The following KLF12 variants were observed in gnomAD, a reference collection of about 807,000 sequenced individuals.
KLF12 encodes the protein Krueppel-like factor 12.
Under a neutral mutation model 37.8 loss-of-function variants are expected in KLF12, and 9 were observed. The ratio of observed to expected loss-of-function variants is 0.24; its 90% CI spans 0.14 to 0.42. The LOEUF is 0.42. Among genes scored for constraint, KLF12 ranks in the 10% least tolerant of loss-of-function variants. KLF12 has a pLI of 1.00. For missense variants in KLF12, 411 were observed against 516.0 expected (o/e 0.80, Z 1.97); for synonymous variants, 208 against 202.1 (o/e 1.03, Z -0.25).
intron 1 of KLF12, among the ~76,000 whole-genome samples, chr13:73,996,881 G>C (rs1321511280): frequency 6.6e-6 from 1 of 152,114 alleles, no homozygotes; most frequent in Non-Finnish European, 1.5e-5. Flanking sequence ...ATTCCCACTA[G>C]GAGAAGACAT....
At chr13:74,242,495 C>T in the KLF12 span, among the ~76,000 whole-genome samples, 1 of 152,236 alleles carries the variant, frequency 6.6e-6, no homozygotes. Flanking sequence ...GGAAACTATT[C>T]CCATGATTCA....
upstream of KLF12, among the ~76,000 whole-genome samples, chr13:74,137,019 AGTGT>A (rs144633568): frequency 6.6e-6 from 1 of 152,098 alleles, no homozygotes; most frequent in Non-Finnish European, 1.5e-5. Context: ...TCACTAGAGG[AGTGT>A]GTGTGTGTAC....
At chr13:73,739,429 T>C (rs1466832187) in intron 6 of KLF12, among the ~76,000 whole-genome samples, 1 of 152,118 alleles carries the variant, frequency 6.6e-6, no homozygotes, top group Non-Finnish European at 1.5e-5. Flanking sequence ...TAAGGTATTG[T>C]TGTTTACCTC....
the KLF12 span, among the ~76,000 whole-genome samples, chr13:74,238,067 G>C: frequency 7.1e-6 from 1 of 140,630 alleles, no homozygotes; most frequent in Non-Finnish European, 1.5e-5. Context: ...TATGATATTG[G>C]CTGTGGGTTT....
intron 3 of KLF12, among the ~76,000 whole-genome samples, chr13:73,860,518 C>A (rs933246927): frequency 6.6e-6 from 1 of 151,982 alleles, no homozygotes; most frequent in Non-Finnish European, 1.5e-5. Flanking sequence ...AAGGGTTGCT[C>A]GAGCTCAGGA....
chr13:74,070,561 AAAC>A (rs1874172221), intron 1 of KLF12, among the ~76,000 whole-genome samples: 1 of 152,190 alleles, frequency 6.6e-6, no homozygotes, highest in Non-Finnish European at 1.5e-5. Flanking sequence ...CCACCATCCA[AAAC>A]AACTCACCTT....
chr13:74,219,732 C>T, the KLF12 span, among the ~76,000 whole-genome samples: 2 of 152,240 alleles, frequency 1.3e-5, no homozygotes, highest in African/African-American at 2.4e-5. Context: ...ATAGAATTCA[C>T]ATTAGCCCAT....
At chr13:74,303,454 T>C in the KLF12 span, among the ~76,000 whole-genome samples, 2 of 152,188 alleles carry the variant, frequency 1.3e-5, no homozygotes, top group African/African-American at 4.8e-5. Context: ...CATTCTTTCT[T>C]TCTAATAGTG....
the KLF12 span, among the ~76,000 whole-genome samples, chr13:74,270,800 C>A: frequency 5.9e-5 from 9 of 152,136 alleles, no homozygotes; most frequent in African/African-American, 2.2e-4. Context: ...GTGTCATGGA[C>A]TATGCACTTA....
chr13:74,029,542 G>A (rs76470212), intron 1 of KLF12, among the ~76,000 whole-genome samples: 14 of 151,948 alleles, frequency 9.2e-5, no homozygotes, highest in African/African-American at 1.9e-4. Context: ...AAATCTTTAC[G>A]GTTCTCTGTA....
At chr13:73,800,495 T>C (rs1594105766) in intron 5 of KLF12, 1 of 152,056 alleles carries the variant, frequency 6.6e-6, no homozygotes, top group Non-Finnish European at 1.5e-5. Flanking sequence ...TCTAAAATAT[T>C]AATACAGTAA....
chr13:74,068,238 C>T (rs867654749), intron 1 of KLF12, among the ~76,000 whole-genome samples: 10 of 152,012 alleles, frequency 6.6e-5, no homozygotes, highest in South Asian at 2.1e-4. Context: ...TCTATTTCTA[C>T]GAAAAATAAG....
the KLF12 span, among the ~76,000 whole-genome samples, chr13:74,207,736 T>A: frequency 6.6e-6 from 1 of 152,068 alleles, no homozygotes; most frequent in Admixed American, 6.6e-5. Context: ...AGAAAGAGGA[T>A]TCCATTCATC....
chr13:73,975,796 C>T (rs967755182), intron 2 of KLF12, among the ~76,000 whole-genome samples: 3 of 152,248 alleles, frequency 2.0e-5, no homozygotes, highest in African/African-American at 7.2e-5. Flanking sequence ...CACTCCTAAC[C>T]CTCCTTTGGC....
the KLF12 span, among the ~76,000 whole-genome samples, chr13:74,163,163 A>G: frequency 1.3e-5 from 2 of 152,204 alleles, no homozygotes; most frequent in African/African-American, 4.8e-5. Flanking sequence ...TACTATGGAG[A>G]GCAGTTTGGA....
At chr13:74,241,298 C>T in the KLF12 span, among the ~76,000 whole-genome samples, 1 of 152,176 alleles carries the variant, frequency 6.6e-6, no homozygotes. Flanking sequence ...GCAGTCTGCC[C>T]ATTCTCAGAT....
chr13:73,814,942 A>T (rs1331749860), intron 4 of KLF12, among the ~76,000 whole-genome samples: 2 of 152,124 alleles, frequency 1.3e-5, no homozygotes, highest in Non-Finnish European at 2.9e-5. Context: ...AACGTGTCAC[A>T]GTTTATGACT....
intron 2 of KLF12, among the ~76,000 whole-genome samples, chr13:73,950,931 T>C (rs1023073007): frequency 3.3e-5 from 5 of 151,166 alleles, no homozygotes; most frequent in African/African-American, 1.2e-4. Context: ...GAAACAGGAG[T>C]AGAGAGAAAC....
chr13:74,183,462 T>A, the KLF12 span, among the ~76,000 whole-genome samples: 1 of 152,166 alleles, frequency 6.6e-6, no homozygotes, highest in Non-Finnish European at 1.5e-5. Flanking sequence ...TCGTCATCAA[T>A]CTCCTTTGAC....
Sources: allele counts gnomAD v4.1 joint callset (sites outside exome capture counted in the v4.1 genomes callset), GRCh38; gene constraint gnomAD v4.1.1; transcripts MANE v1.5; gene names NCBI Gene and HGNC (gene_info 2026-07-23, HGNC 2026-07-21).